Variants in PFKFB3 observed in about 807,000 individuals in gnomAD.
PFKFB3 encodes the protein 6-phosphofructo-2-kinase/fructose-2,6-biphosphatase 3.
In PFKFB3, 33 loss-of-function variants were observed where a neutral mutation model predicts 68.0. That is an observed-to-expected ratio of 0.49 (90% CI 0.37 to 0.65). PFKFB3 has a LOEUF of 0.65. Among genes scored for constraint, PFKFB3 ranks in the 30% least tolerant of loss-of-function variants. The probability of loss-of-function intolerance (pLI) is 0.00; values close to 1 mark genes in which losing one functional copy is unlikely to be tolerated. For missense variants in PFKFB3, 586 were observed against 712.2 expected, an observed-to-expected ratio of 0.82 and a Z score of 2.02; for synonymous variants, 315 against 288.2, an observed-to-expected ratio of 1.09 and a Z score of -0.94.
intron 1 of PFKFB3, among the ~76,000 whole-genome samples, chr10:6,167,252 A>G (rs1842171885): frequency 6.6e-6 from 1 of 152,230 alleles, no homozygotes; most frequent in Admixed American, 6.5e-5. Flanking sequence ...AGTACGTTTC[A>G]GCCCTCCAGG....
chr10:6,204,118 G>A (rs1432516108), intron 1 of PFKFB3, among the ~76,000 whole-genome samples: 3 of 152,250 alleles, frequency 2.0e-5, no homozygotes, highest in African/African-American at 7.2e-5. Context: ...GCCCCGCCCC[G>A]CCGGTCGCCG....
At chr10:6,281,935 C>A in the PFKFB3 span, among the ~76,000 whole-genome samples, 4 of 150,992 alleles carry the variant, frequency 2.6e-5, no homozygotes, top group African/African-American at 9.7e-5. Context: ...AAGAATAAAT[C>A]CTGAAGGACT....
At chr10:6,316,982 A>C in the PFKFB3 span, among the ~76,000 whole-genome samples, 44 of 152,292 alleles carry the variant, frequency 2.9e-4, no homozygotes, top group Non-Finnish European at 5.6e-4. Flanking sequence ...CTCCAGGAAG[A>C]ACTCAACTGG....
At chr10:6,271,659 G>A in the PFKFB3 span, among the ~76,000 whole-genome samples, 1 of 152,142 alleles carries the variant, frequency 6.6e-6, no homozygotes. Flanking sequence ...TCTAACTAAG[G>A]TTGTGTAGAA....
chr10:6,231,274 G>A (rs927767782), intron 14 of PFKFB3: 3 of 1,608,166 alleles, frequency 1.9e-6, no homozygotes, highest in Admixed American at 1.7e-5. Flanking sequence ...CGAACTGTCT[G>A]TCACATTTTC....
chr10:6,213,650 C>T lies in PFKFB3; in HGVS notation c.104C>T (p.Pro35Leu). Residue 35 changes from proline to leucine, a missense_variant, in exon 2 of 15, where the codon CCC becomes CTC. Physicochemically the swap from Pro to Leu is moderately conservative, Grantham distance 98 (BLOSUM62 -3). Transcript: ENST00000379775. ...TGTGGGCCAAAGCTGACCAACTCCCCCACCGTCATCGTCATGGTGGGCCTC... is the reference window on the plus strand; with the variant it reads ...TGTGGGCCAAAGCTGACCAACTCCCTCACCGTCATCGTCATGGTGGGCCTC... ...RSCGPKLTNSPTVIVMVGLPA... is the reference protein window; with the variant it reads ...RSCGPKLTNSLTVIVMVGLPA... 6.2e-7 allele frequency: 1 copy of T among 1,613,246 alleles called. No individual in the cohort carries two copies. Among genetic ancestry groups the T allele is most frequent in the South Asian group, 1.1e-5 (1 of 90,784 alleles).
chr10:6,249,567 A>C (rs1324151801), intron 14 of PFKFB3, among the ~76,000 whole-genome samples: 1 of 152,260 alleles, frequency 6.6e-6, no homozygotes, highest in Admixed American at 6.5e-5. Context: ...AAACATTTAA[A>C]TACATTAAAT....
At chr10:6,294,975 GT>G in the PFKFB3 span, among the ~76,000 whole-genome samples, 3,272 of 136,622 alleles carry the variant, frequency 0.024, 91 homozygotes, top group African/African-American at 0.079. Flanking sequence ...TTTTTTTTTT[GT>G]TTTTTTTTTT....
chr10:6,285,225 A>ATT, the PFKFB3 span, among the ~76,000 whole-genome samples: 135 of 139,496 alleles, frequency 9.7e-4, no homozygotes, highest in Middle Eastern at 3.6e-3. Flanking sequence ...TACAATCTCT[A>ATT]TTTTTTTTTT....
At chr10:6,253,884 A>G (rs1018193847) in intron 14 of PFKFB3, among the ~76,000 whole-genome samples, 18 of 152,016 alleles carry the variant, frequency 1.2e-4, no homozygotes, top group African/African-American at 4.1e-4. Flanking sequence ...CTACTAAAAA[A>G]TATACAAAAA....
chr10:6,217,868 T>G (rs191218447), intron 6 of PFKFB3, among the ~76,000 whole-genome samples: 117 of 152,298 alleles, frequency 7.7e-4, no homozygotes, highest in African/African-American at 2.8e-3. Context: ...CTTAAACATA[T>G]CAGAATATGA....
At chr10:6,200,680 GGGTGGT>G (rs1564613493), upstream of PFKFB3, among the ~76,000 whole-genome samples, 54 of 135,352 alleles carry the variant, frequency 4.0e-4, 4 homozygotes, top group Non-Finnish European at 8.3e-4. Flanking sequence ...GGGGGGCGGG[GGGTGGT>G]GGTGGGGCGG....
At chr10:6,260,379 A>G in the PFKFB3 span, among the ~76,000 whole-genome samples, 3 of 140,894 alleles carry the variant, frequency 2.1e-5, no homozygotes, top group Non-Finnish European at 4.5e-5. Flanking sequence ...GCGCCACTGC[A>G]CTCCAGCCTG....
rs1841711808 is a variant in PFKFB3, at chr10:6,154,711, A to G, written c.16+9698A>G. On this transcript the variant is annotated intron_variant, in intron 1 of 14. Coordinates refer to the PFKFB3 transcript ENST00000379789. The surrounding 1 kb of genome is among the most constrained non-coding windows in gnomAD (Gnocchi z 4.6). ...TGTTGGGGGTGGCTGGATTCTGAAT[A>G]TATTTAGGAGGCAGAGGCGGCGGGA... Among the ~76,000 whole-genome samples the G allele has an allele frequency of 6.6e-6, 1 of 152,164 alleles. No individual in the cohort carries two copies. The highest frequency in any genetic ancestry group is 2.4e-5 in the African/African-American group (1 of 41,430).
At chr10:6,223,110 GGGCACAGGTGTC>G (rs2131994327) in intron 11 of PFKFB3, 126 bp downstream of exon 11, 1 of 946,616 alleles carries the variant, frequency 1.1e-6, no homozygotes, top group East Asian at 2.9e-5. Context: ...GTTAGGAGAA[GGGCACAGGTGTC>G]GGCTCCCGGC....
At chr10:6,170,740 G>A (rs537631407) in intron 1 of PFKFB3, among the ~76,000 whole-genome samples, 1 of 152,234 alleles carries the variant, frequency 6.6e-6, no homozygotes, top group African/African-American at 2.4e-5. Flanking sequence ...AGGTGGAGGC[G>A]GTGGCTGAGC....
At chr10:6,226,472 C>T (rs1301768275) in intron 14 of PFKFB3, 107 bp downstream of exon 14, 28 of 1,046,258 alleles carry the variant, frequency 2.7e-5, no homozygotes, top group East Asian at 1.8e-4. Context: ...TGCGTGGGTG[C>T]GTGTGGGTGC....
chr10:6,281,956 A>T, the PFKFB3 span, among the ~76,000 whole-genome samples: 9 of 143,052 alleles, frequency 6.3e-5, no homozygotes, highest in Non-Finnish European at 1.1e-4. Context: ...CAGAGCATGA[A>T]TTTTTTTTTT....
intron 10 of PFKFB3, 58 bp downstream of exon 10, chr10:6,221,803 G>A: frequency 1.7e-6 from 2 of 1,203,258 alleles, no homozygotes; most frequent in Non-Finnish European, 2.4e-6. Flanking sequence ...CTGCTGTGCA[G>A]GGCTGGGCCA....
Sources: allele counts gnomAD v4.1 joint callset (sites outside exome capture counted in the v4.1 genomes callset), GRCh38; gene constraint gnomAD v4.1.1; non-coding constraint Gnocchi (gnomAD v3.1); transcripts MANE v1.5; gene names NCBI Gene and HGNC (gene_info 2026-07-23, HGNC 2026-07-21).